The following ANKFN1 variants were observed in gnomAD, a reference collection of about 807,000 sequenced individuals.
ANKFN1 encodes ankyrin repeat and fibronectin type III domain containing 1, also known as ankyrin repeat and fibronectin type-III domain-containing protein 1.
Under a neutral mutation model 108.7 loss-of-function variants are expected in ANKFN1, and 74 were observed. The observed-to-expected ratio is 0.68, with a 90% CI of 0.56 to 0.83. The LOEUF is 0.83. Ranked by LOEUF, ANKFN1 falls within the 40% of genes least tolerant of loss-of-function variation. ANKFN1 has a pLI of 0.00. For missense variants in ANKFN1, 1,505 were observed against 1,382.3 expected (o/e 1.09, Z -1.41); for synonymous variants, 547 against 516.2 (o/e 1.06, Z -0.81).
intron 9 of ANKFN1, 43 bp from the exon 10 acceptor site, chr17:56,442,800 T>C: frequency 2.5e-6 from 4 of 1,571,770 alleles, no homozygotes; most frequent in Non-Finnish European, 3.5e-6. Context: ...AGGGTAAAAA[T>C]GATTAAATAA....
intron 3 of ANKFN1, among the ~76,000 whole-genome samples, chr17:56,322,798 T>A (rs1238772398): frequency 6.6e-6 from 1 of 152,260 alleles, no homozygotes; most frequent in Non-Finnish European, 1.5e-5. Flanking sequence ...TTGCTCATAC[T>A]TTTTTATGGC....
intron 4 of ANKFN1, among the ~76,000 whole-genome samples, chr17:56,135,512 A>G (rs551374147): frequency 1.3e-5 from 2 of 152,312 alleles, no homozygotes; most frequent in East Asian, 1.9e-4. Context: ...TCTCAGTAGC[A>G]GCTGCTGAGA....
At chr17:56,413,423 C>G (rs2048153532) in intron 8 of ANKFN1, among the ~76,000 whole-genome samples, 1 of 152,146 alleles carries the variant, frequency 6.6e-6, no homozygotes, top group Admixed American at 6.5e-5. Context: ...GTTTCTTTCT[C>G]TTGCCTGATT....
rs566764904 is a variant in ANKFN1, at chr17:56,384,907, T to G, written c.910+10193T>G. ...TGGCCATACTGCCCAAGGTAATTTA[T>G]AGATTCAATGCCATCCCCATCAAGC... On this transcript the variant is annotated intron_variant, in intron 8 of 20. Coordinates refer to ENST00000682825, the MANE Select transcript of ANKFN1 (RefSeq NM_001370326.1). Among the ~76,000 whole-genome samples, 5 of 151,740 alleles carry G rather than the reference T, an allele frequency of 3.3e-5. No individual in the cohort carries two copies. The East Asian group carries it at 9.7e-4, about 29-fold the overall frequency.
At chr17:56,279,586 C>G (rs1390280033) in intron 3 of ANKFN1, among the ~76,000 whole-genome samples, 1 of 150,630 alleles carries the variant, frequency 6.6e-6, no homozygotes, top group Non-Finnish European at 1.5e-5. Flanking sequence ...TTCCAATCTT[C>G]CCCCTCTCTC....
intron 1 of ANKFN1, among the ~76,000 whole-genome samples, chr17:56,159,792 A>C (rs1193074031): frequency 2.0e-5 from 3 of 152,064 alleles, no homozygotes; most frequent in African/African-American, 7.2e-5. Flanking sequence ...GGACAGAAAG[A>C]TAGAGGGGCA....
intron 8 of ANKFN1, among the ~76,000 whole-genome samples, chr17:56,412,033 AT>A (rs920710106): frequency 6.6e-6 from 1 of 151,998 alleles, no homozygotes; most frequent in Non-Finnish European, 1.5e-5. Context: ...CTCCTCTTTG[AT>A]TTTTTGGAAG....
chr17:56,206,387 T>C (rs913461385), intron 1 of ANKFN1: 1 of 152,154 alleles, frequency 6.6e-6, no homozygotes, highest in African/African-American at 2.4e-5. Flanking sequence ...TAGATGGATG[T>C]ATACAGTTTA....
chr17:56,473,251 C>A (rs1035988484), intron 15 of ANKFN1: 5 of 152,070 alleles, frequency 3.3e-5, no homozygotes, highest in Non-Finnish European at 1.5e-5. Flanking sequence ...AAAAAACAAT[C>A]CATTTTGGCT....
intron 8 of ANKFN1, among the ~76,000 whole-genome samples, chr17:56,383,815 C>A (rs1276942592): frequency 6.6e-6 from 1 of 152,120 alleles, no homozygotes; most frequent in Non-Finnish European, 1.5e-5. Context: ...CAATAACAGG[C>A]TCTGAAATTG....
chr17:56,420,683 C>CTTTTTTTTT (rs755355387), intron 8 of ANKFN1, among the ~76,000 whole-genome samples: 1 of 119,574 alleles, frequency 8.4e-6, no homozygotes, highest in Non-Finnish European at 1.8e-5. Flanking sequence ...CTGACTCCTT[C>CTTTTTTTTT]TTTTTTTTTT....
intron 4 of ANKFN1, among the ~76,000 whole-genome samples, chr17:56,133,948 C>T (rs1436285691): frequency 6.6e-6 from 1 of 152,032 alleles, no homozygotes; most frequent in Non-Finnish European, 1.5e-5. Flanking sequence ...AGCATCAGAT[C>T]CCATAGGTTA....
chr17:56,212,715 A>G lies in ANKFN1; in HGVS notation c.12+36A>G, dbSNP rs181704344. On this transcript the variant is annotated intron_variant, in intron 2 of 20. Coordinates refer to ENST00000682825, the MANE Select transcript of ANKFN1 (RefSeq NM_001370326.1). ...CCGCAGTCCTCCTTGAGCCTATGCA[A>G]CTCCATACAAAAGAAAAAGGAACCC... 6.4e-4 allele frequency among the ~76,000 whole-genome samples: 98 copies of G among 152,152 alleles called. 1 individual carries two copies. The highest frequency in any genetic ancestry group is 2.3e-3 in the African/African-American group (96 of 41,520).
chr17:56,357,130 C>T (rs909312176), intron 6 of ANKFN1, among the ~76,000 whole-genome samples: 3 of 152,068 alleles, frequency 2.0e-5, no homozygotes, highest in African/African-American at 7.2e-5. Context: ...GGGAGATAAA[C>T]CCAGGTTTCA....
At chr17:56,144,490 G>A (rs1040655109) in intron 4 of ANKFN1, among the ~76,000 whole-genome samples, 31 of 152,206 alleles carry the variant, frequency 2.0e-4, no homozygotes, top group Non-Finnish European at 4.4e-5. Flanking sequence ...CCAGGAGATA[G>A]ACAAGTAGCT....
intron 4 of ANKFN1, among the ~76,000 whole-genome samples, chr17:56,339,250 CTTTATA>C (rs2045898329): frequency 6.6e-6 from 1 of 151,990 alleles, no homozygotes; most frequent in Non-Finnish European, 1.5e-5. Context: ...TTTATGCTCT[CTTTATA>C]TTTATACTGT....
chr17:56,176,011 C>T (rs1911114169), intron 1 of ANKFN1, among the ~76,000 whole-genome samples: 1 of 151,574 alleles, frequency 6.6e-6, no homozygotes, highest in Admixed American at 6.6e-5. Context: ...TTTATGATCT[C>T]CTAATTTAAA....
chr17:56,448,443 AATACT>A (rs2049367422), intron 10 of ANKFN1, among the ~76,000 whole-genome samples: 1 of 152,214 alleles, frequency 6.6e-6, no homozygotes, highest in Admixed American at 6.5e-5. Flanking sequence ...CTTGTAAGCT[AATACT>A]GTATATTTAG....
At position 56,512,346 on chromosome 17, in the gene ANKFN1, AG is replaced by A. The variant is rs2051801726; in HGVS notation, c.*1080del. Among the ~76,000 whole-genome samples the A allele has an allele frequency of 6.6e-6, 1 of 152,218 alleles. No individual in the cohort carries two copies. Among genetic ancestry groups the A allele is most frequent in the South Asian group, 2.1e-4 (1 of 4,828 alleles). On this transcript the variant is annotated 3_prime_UTR_variant, in exon 21 of 21. Coordinates refer to ENST00000682825, the MANE Select transcript of ANKFN1 (RefSeq NM_001370326.1). The stretch of plus-strand genomic sequence containing the variant: ...ATCAAGGGGCAGATTGTCCAGGGCT[AG>A]GGTGGCTGCCTTTCCCTTTCAACCT...
Sources: gnomAD v4.1 joint callset for allele counts (sites outside exome capture counted in the v4.1 genomes callset) on GRCh38, gnomAD v4.1.1 for gene constraint, MANE v1.5 for transcripts, NCBI Gene and HGNC (gene_info 2026-07-23, HGNC 2026-07-21) for gene names.